Variants in ROBO2 observed in about 807,000 individuals in gnomAD.
ROBO2 encodes roundabout homolog 2.
In ROBO2, 53 loss-of-function variants were observed where a neutral mutation model predicts 160.8. The ratio of observed to expected loss-of-function variants is 0.33; its 90% CI spans 0.26 to 0.41. The LOEUF (loss-of-function observed/expected upper bound fraction) is 0.41. Ranked by LOEUF, ROBO2 falls within the 10% of genes least tolerant of loss-of-function variation. The probability of loss-of-function intolerance (pLI) is 1.00; values close to 1 mark genes in which losing one functional copy is unlikely to be tolerated. For synonymous variants in ROBO2, 664 were observed against 611.7 expected, an observed-to-expected ratio of 1.09 and a Z score of -1.26; for missense variants, 1,577 against 1,722.4, an observed-to-expected ratio of 0.92 and a Z score of 1.49.
chr3:76,119,620 G>T (rs1331855967), intron 2 of ROBO2, among the ~76,000 whole-genome samples: 2 of 151,660 alleles, frequency 1.3e-5, no homozygotes, highest in Non-Finnish European at 2.9e-5. Context: ...ATGTACCCTA[G>T]AACTTAATAT....
At chr3:76,374,852 T>G (rs2076266248) in intron 2 of ROBO2, among the ~76,000 whole-genome samples, 1 of 151,972 alleles carries the variant, frequency 6.6e-6, no homozygotes, top group Non-Finnish European at 1.5e-5. Context: ...ATAATAATAG[T>G]TCATTTCTGA....
intron 2 of ROBO2, among the ~76,000 whole-genome samples, chr3:77,112,626 C>G (rs1658282277): frequency 6.6e-6 from 1 of 152,150 alleles, no homozygotes; most frequent in Admixed American, 6.5e-5. Context: ...GCATTAAAGA[C>G]ATCAGTAGAT....
chr3:76,424,741 G>A (rs898745145), intron 2 of ROBO2, among the ~76,000 whole-genome samples: 3 of 152,176 alleles, frequency 2.0e-5, no homozygotes, highest in Non-Finnish European at 4.4e-5. Context: ...CGAAAGTGAT[G>A]ATACTATGAT....
rs115545715 is a variant in ROBO2, at chr3:77,576,302, A to T, written c.2204-1188A>T. 3.4e-3 allele frequency among the ~76,000 whole-genome samples: 515 copies of T among 152,230 alleles called. 4 individuals are homozygous for T. Among genetic ancestry groups the T allele is most frequent in the African/African-American group, 0.012 (495 of 41,564 alleles). ...TGGCTATACCTAAGTGAAATATGTC[A>T]TGACATATTTACAAAACATGGGATA... On this transcript the variant is annotated intron_variant, in intron 14 of 25. Transcript: ENST00000461745.
chr3:77,260,270 A>C (rs2058691753), intron 2 of ROBO2, among the ~76,000 whole-genome samples: 1 of 152,140 alleles, frequency 6.6e-6, no homozygotes, highest in African/African-American at 2.4e-5. Context: ...TTTTGCTTAT[A>C]TTTCATTGAA....
chr3:77,595,174 A>C (rs1331828759), exon 18 of ROBO2: 1 of 1,611,282 alleles, frequency 6.2e-7, no homozygotes, highest in Non-Finnish European at 8.5e-7. Context: ...AGGACTAATG[A>C]GCAATGGAAG....
rs115474118 is a variant in ROBO2 at position 77,432,060 on chromosome 3, A to G, written c.389-45354A>G. Among the ~76,000 whole-genome samples, 820 of 152,298 alleles carry G rather than the reference A, an allele frequency of 5.4e-3. 6 individuals are homozygous for G. Among genetic ancestry groups the G allele is most frequent in the African/African-American group, 0.019 (775 of 41,568 alleles). On this transcript the variant is annotated intron_variant, in intron 2 of 25. Transcript: ENST00000461745. ...CTGAGCAATTTTCTCTGCAGCATATAATGAATGTGCATACTCTATGCCTCT... is the reference window on the plus strand; with the variant it reads ...CTGAGCAATTTTCTCTGCAGCATATGATGAATGTGCATACTCTATGCCTCT...
At chr3:76,041,523 C>T (rs926176578) in intron 2 of ROBO2, among the ~76,000 whole-genome samples, 8 of 151,946 alleles carry the variant, frequency 5.3e-5, no homozygotes, top group African/African-American at 1.9e-4. Context: ...TATTTTAGCT[C>T]TTAAGAAACA....
intron 2 of ROBO2, among the ~76,000 whole-genome samples, chr3:76,831,630 A>G (rs2067103361): frequency 6.6e-6 from 1 of 152,194 alleles, no homozygotes; most frequent in African/African-American, 2.4e-5. Flanking sequence ...CTGGTTTCAT[A>G]TTTATACATT....
intron 21 of ROBO2, among the ~76,000 whole-genome samples, chr3:77,610,691 ATTG>A (rs2094611265): frequency 8.6e-6 from 1 of 116,536 alleles, no homozygotes; most frequent in African/African-American, 3.2e-5. Context: ...AAATTTTACT[ATTG>A]TTGTGATTTT....
intron 2 of ROBO2, among the ~76,000 whole-genome samples, chr3:76,410,008 A>G (rs970437863): frequency 6.6e-6 from 1 of 152,128 alleles, no homozygotes. Flanking sequence ...GTTTATTCAA[A>G]GTGAAGAAGA....
intron 20 of ROBO2, among the ~76,000 whole-genome samples, chr3:77,606,252 G>T (rs2094524255): frequency 1.3e-5 from 2 of 152,096 alleles, no homozygotes. Flanking sequence ...GGCATTTATT[G>T]AATGTTCTGT....
At chr3:76,291,311 A>G (rs932724972) in intron 2 of ROBO2, among the ~76,000 whole-genome samples, 24 of 152,192 alleles carry the variant, frequency 1.6e-4, no homozygotes, top group African/African-American at 4.6e-4. Context: ...CATTTCTTCT[A>G]GATTTTCTAG....
chr3:77,132,571 G>T (rs955049754), intron 2 of ROBO2, among the ~76,000 whole-genome samples: 1 of 152,056 alleles, frequency 6.6e-6, no homozygotes, highest in African/African-American at 2.4e-5. Flanking sequence ...AACCAAAAAT[G>T]TCTCTATAAC....
chr3:76,944,274 A>G (rs568495447), intron 2 of ROBO2, among the ~76,000 whole-genome samples: 135 of 152,272 alleles, frequency 8.9e-4, no homozygotes, highest in African/African-American at 3.2e-3. Context: ...AAGTCCAAAT[A>G]AAAAAGATTA....
intron 2 of ROBO2, among the ~76,000 whole-genome samples, chr3:76,758,931 T>G (rs2061142999): frequency 6.6e-6 from 1 of 151,866 alleles, no homozygotes; most frequent in Admixed American, 6.6e-5. Context: ...ATACATGAAA[T>G]TTTGTCCTAA....
At chr3:77,198,312 G>A (rs981374178) in intron 2 of ROBO2, among the ~76,000 whole-genome samples, 5 of 152,130 alleles carry the variant, frequency 3.3e-5, no homozygotes, top group Admixed American at 1.3e-4. Context: ...AAACATTTAA[G>A]TTGAAACTCA....
intron 1 of ROBO2, among the ~76,000 whole-genome samples, chr3:77,076,888 G>T (rs2068068874): frequency 6.6e-6 from 1 of 152,206 alleles, no homozygotes; most frequent in South Asian, 2.1e-4. Flanking sequence ...GATTAGTGCA[G>T]ATTTTGTTAA....
chr3:76,683,766 A>T (rs1310862423), intron 2 of ROBO2, among the ~76,000 whole-genome samples: 1 of 152,132 alleles, frequency 6.6e-6, no homozygotes, highest in Non-Finnish European at 1.5e-5. Context: ...CCAGGATTTT[A>T]TCTATTTCTT....
Sources: gnomAD v4.1 joint callset for allele counts (sites outside exome capture counted in the v4.1 genomes callset) on GRCh38, gnomAD v4.1.1 for gene constraint, MANE v1.5 for transcripts, NCBI Gene and HGNC (gene_info 2026-07-23, HGNC 2026-07-21) for gene names.